VPS8: variants seen among roughly 807,000 people sequenced by gnomAD.
VPS8 encodes the protein vacuolar protein sorting-associated protein 8 homolog.
Under a neutral mutation model 216.4 loss-of-function variants are expected in VPS8, and 129 were observed. The ratio of observed to expected loss-of-function variants is 0.60; its 90% CI spans 0.52 to 0.69. VPS8 has a LOEUF of 0.69. Among genes scored for constraint, VPS8 ranks in the 30% least tolerant of loss-of-function variants. The pLI is 0.00. For missense variants in VPS8, 1,531 were observed against 1,683.5 expected, an observed-to-expected ratio of 0.91 and a Z score of 1.59; for synonymous variants, 571 against 565.4, an observed-to-expected ratio of 1.01 and a Z score of -0.14.
intron 1 of VPS8, among the ~76,000 whole-genome samples, chr3:184,822,768 C>T (rs183348656): frequency 6.6e-6 from 1 of 152,256 alleles, no homozygotes; most frequent in Admixed American, 6.5e-5. Context: ...TGAGTATAAA[C>T]ATTAGTATTG....
In VPS8 at chr3:184,967,282, A is replaced by T. The variant is rs1747577316; in HGVS notation, c.3316+569A>T. Among the ~76,000 whole-genome samples the T allele has an allele frequency of 2.0e-5, 3 of 152,298 alleles. No homozygotes were observed. In the South Asian group the frequency reaches 6.2e-4, roughly 32 times the overall value. The stretch of plus-strand genomic sequence containing the variant: ...CTAGGCTGGTTATCTTTTTGTTTAT[A>T]CTTTTGCTATAACAAAAGTATGGTT... On this transcript the variant is annotated intron_variant, in intron 39 of 47. Transcript: ENST00000625842.
At position 184,824,489 on chromosome 3, in the gene VPS8, G is replaced by A; in HGVS notation, c.-88-56G>A. 3 of 863,390 alleles carry A rather than the reference G, an allele frequency of 3.5e-6. No individual in the cohort carries two copies. In the South Asian group the frequency reaches 5.7e-5, roughly 16 times the overall value. 53.5% of individuals were successfully genotyped at this position (863,390 alleles called of 1,614,324 possible). A position where few individuals can be genotyped will look rare whatever the true frequency, so the allele number is the denominator to read the frequency against. On this transcript the variant is annotated intron_variant, in intron 1 of 47. Transcript: ENST00000625842. The stretch of plus-strand genomic sequence containing the variant: ...CTTTGGAATGTCCAATTGACAAGGA[G>A]GAAATCTAAATGATAGTGTTTTGTT...
rs781433081 is a variant in VPS8, at chr3:184,834,754, G to T, written c.447+12G>T. ...TAGTGTCTGCAGCTGTAAGTATTTT[G>T]TTCTTTTCCCTCAACTTTGTAACCT... On this transcript the variant is annotated intron_variant, in intron 5 of 47. Coordinates refer to ENST00000625842, the MANE Select transcript of VPS8 (RefSeq NM_001009921.3). The T allele has an allele frequency of 2.7e-5, 42 of 1,548,960 alleles. No individual in the cohort carries two copies. The highest frequency in any genetic ancestry group is 3.5e-5 in the Non-Finnish European group (40 of 1,145,198).
intron 46 of VPS8, among the ~76,000 whole-genome samples, chr3:185,046,416 C>T (rs978995841): frequency 1.3e-5 from 2 of 152,170 alleles, no homozygotes; most frequent in East Asian, 3.9e-4. Flanking sequence ...AACTTTCATG[C>T]CCTAAATGCC....
intron 46 of VPS8, among the ~76,000 whole-genome samples, chr3:185,032,869 G>T: frequency 6.6e-6 from 1 of 152,010 alleles, no homozygotes; most frequent in East Asian, 1.9e-4. Context: ...GGGTTTCACC[G>T]AGTTAGCCAG....
chr3:184,950,856 T>C (rs987763927), intron 36 of VPS8, among the ~76,000 whole-genome samples: 3 of 152,210 alleles, frequency 2.0e-5, no homozygotes, highest in African/African-American at 7.2e-5. Context: ...TTAAGCATGA[T>C]GGCTTCCAGC....
rs1164995132 is a variant in VPS8 at position 184,898,516 on chromosome 3, A to G, written c.2005-49A>G. On this transcript the variant is annotated intron_variant, in intron 23 of 47. Coordinates refer to ENST00000625842, the MANE Select transcript of VPS8 (RefSeq NM_001009921.3). ...TCCCATTCTTAAAGCATTAAGGAAA[A>G]TAATTGGTGACTGAATTGTATGGAC... The G allele has an allele frequency of 3.6e-6, 5 of 1,404,112 alleles. No individual in the cohort carries two copies. The Admixed American group carries it at 1.1e-4, about 30-fold the overall frequency. 87.0% of individuals were successfully genotyped at this position (1,404,112 alleles called of 1,614,324 possible). A position where few individuals can be genotyped will look rare whatever the true frequency, so the allele number is the denominator to read the frequency against.
Position 184,849,053 on chromosome 3 carries a change from A to C in VPS8, c.542-18A>C. ...TCTTGCATTTCCTTCACTTGACTTT[A>C]AAAACTGCTTTCTTTAGATCAGAAT... is the stretch of plus-strand genomic sequence containing the variant. On this transcript the variant is annotated intron_variant, in intron 8 of 47. Coordinates refer to ENST00000625842, the MANE Select transcript of VPS8 (RefSeq NM_001009921.3). The C allele has an allele frequency of 6.2e-7, 1 of 1,611,738 alleles. No homozygotes were observed. The highest frequency in any genetic ancestry group is 1.1e-5 in the South Asian group (1 of 91,064).
At chr3:184,863,712 A>G (rs1726812734) in intron 16 of VPS8, among the ~76,000 whole-genome samples, 2 of 152,186 alleles carry the variant, frequency 1.3e-5, no homozygotes, top group African/African-American at 4.8e-5. Flanking sequence ...GTCACCTTGA[A>G]TTGTGATCTC....
chr3:184,906,382 A>G (rs1161013903), intron 25 of VPS8, among the ~76,000 whole-genome samples: 1 of 152,216 alleles, frequency 6.6e-6, no homozygotes, highest in African/African-American at 2.4e-5. Flanking sequence ...ACTTGAGCAT[A>G]GTAATGTGTT....
intron 30 of VPS8, 147 bp downstream of exon 30, chr3:184,925,128 G>T: frequency 9.2e-7 from 1 of 1,086,856 alleles, no homozygotes; most frequent in Non-Finnish European, 1.3e-6. Flanking sequence ...TAAGTTAGGG[G>T]GGTATGTGTA....
intron 21 of VPS8, among the ~76,000 whole-genome samples, chr3:184,876,953 A>G (rs946853576): frequency 2.0e-5 from 3 of 152,110 alleles, no homozygotes; most frequent in Admixed American, 6.5e-5. Context: ...AGGACTTCCT[A>G]TTGTTTCTGA....
rs1733134923 is a variant in VPS8, at chr3:184,895,031, T to C, written c.2004+106T>C. The C allele has an allele frequency of 5.5e-6, 5 of 913,678 alleles. No homozygotes were observed. The Admixed American group carries it at 1.4e-4, about 26-fold the overall frequency. The allele number at this position is 913,678 out of a possible 1,614,324, so 56.6% of individuals were successfully genotyped here. A position where few individuals can be genotyped will look rare whatever the true frequency, so the allele number is the denominator to read the frequency against. On this transcript the variant is annotated intron_variant, in intron 23 of 47. Coordinates refer to ENST00000625842, the MANE Select transcript of VPS8 (RefSeq NM_001009921.3). Reference sequence around the variant, plus strand: ...GACCCTGCCTTCTAAGAACCGTAATTATTTATTGAGCACTTTTTGTAAGAT... The same window carrying C: ...GACCCTGCCTTCTAAGAACCGTAATCATTTATTGAGCACTTTTTGTAAGAT...
At chr3:184,929,272 T>C (rs1740248269) in intron 32 of VPS8, among the ~76,000 whole-genome samples, 1 of 152,140 alleles carries the variant, frequency 6.6e-6, no homozygotes, top group African/African-American at 2.4e-5. Context: ...TAGCTCACTG[T>C]AGCCTTAACC....
intron 40 of VPS8, among the ~76,000 whole-genome samples, chr3:184,981,519 C>T (rs747999643): frequency 1.2e-4 from 18 of 150,942 alleles, no homozygotes; most frequent in Non-Finnish European, 1.8e-4. Flanking sequence ...CTGCAACCTC[C>T]GCCTCCCAGG....
At chr3:185,031,712 C>A (rs1174656156) in intron 46 of VPS8, among the ~76,000 whole-genome samples, 6 of 152,194 alleles carry the variant, frequency 3.9e-5, no homozygotes. Context: ...AATGGTAGAA[C>A]AAGGTATCTT....
At chr3:184,863,451 A>G (rs1726753616) in intron 16 of VPS8, among the ~76,000 whole-genome samples, 1 of 152,174 alleles carries the variant, frequency 6.6e-6, no homozygotes, top group Admixed American at 6.5e-5. Context: ...ACAGACAGGT[A>G]CTCTATGAGG....
At chr3:184,885,580 A>G (rs1477440169) in intron 21 of VPS8, among the ~76,000 whole-genome samples, 2 of 152,198 alleles carry the variant, frequency 1.3e-5, no homozygotes, top group African/African-American at 2.4e-5. Flanking sequence ...CAGCAGGACC[A>G]ACTGTATCCC....
intron 1 of VPS8, among the ~76,000 whole-genome samples, chr3:184,816,902 T>G (rs750273887): frequency 5.3e-5 from 8 of 152,192 alleles, no homozygotes; most frequent in Non-Finnish European, 7.3e-5. Flanking sequence ...TCATGAATCA[T>G]GATTCATAGA....
Sources: allele counts gnomAD v4.1 joint callset (sites outside exome capture counted in the v4.1 genomes callset), GRCh38; gene constraint gnomAD v4.1.1; transcripts MANE v1.5; gene names NCBI Gene and HGNC (gene_info 2026-07-23, HGNC 2026-07-21).